Variants in PTBP3 observed in about 807,000 individuals in gnomAD.
PTBP3 encodes the protein polypyrimidine tract binding protein 3, also known as polypyrimidine tract-binding protein 3.
PTBP3 carries 20 observed loss-of-function variants against 58.7 expected under a neutral mutation model. The observed-to-expected ratio is 0.34, with a 90% CI of 0.24 to 0.50. PTBP3 has a LOEUF of 0.50. Among genes scored for constraint, PTBP3 ranks in the 20% least tolerant of loss-of-function variants. PTBP3 has a pLI of 0.98. For synonymous variants in PTBP3, 185 were observed against 219.8 expected, an observed-to-expected ratio of 0.84 and a Z score of 1.40; for missense variants, 509 against 637.2, an observed-to-expected ratio of 0.80 and a Z score of 2.17.
intron 11 of PTBP3, among the ~76,000 whole-genome samples, chr9:112,228,021 C>A (rs553897844): frequency 1.5e-4 from 23 of 152,094 alleles, no homozygotes; most frequent in Non-Finnish European, 2.2e-4. Flanking sequence ...ATCATCATTA[C>A]AAAGTTTGCC....
chr9:112,326,114 T>C (rs1268683024), intron 1 of PTBP3, among the ~76,000 whole-genome samples: 2 of 152,228 alleles, frequency 1.3e-5, no homozygotes, highest in Non-Finnish European at 2.9e-5. Context: ...CTTTCTAGAC[T>C]GCGTGTTCTA....
At chr9:112,245,339 AGTATGTGTTTGCAATTCC>A (rs547474591) in intron 7 of PTBP3, among the ~76,000 whole-genome samples, 324 of 152,310 alleles carry the variant, frequency 2.1e-3, no homozygotes, top group African/African-American at 7.3e-3. Flanking sequence ...TAAAGTTAGT[AGTATGTGTTTGCAATTCC>A]GAAACCACTT....
At chr9:112,359,840 CA>C in the PTBP3 span, among the ~76,000 whole-genome samples, 6 of 149,592 alleles carry the variant, frequency 4.0e-5, no homozygotes, top group Non-Finnish European at 5.9e-5. Flanking sequence ...AACAAAACAC[CA>C]AAAAAAAAAC....
intron 12 of PTBP3, among the ~76,000 whole-genome samples, chr9:112,226,923 TTA>T (rs1835012395): frequency 6.6e-6 from 1 of 152,180 alleles, no homozygotes; most frequent in Non-Finnish European, 1.5e-5. Context: ...ACAACACTGG[TTA>T]ATAAAGAGAC....
chr9:112,359,500 G>C, the PTBP3 span, among the ~76,000 whole-genome samples: 3 of 150,536 alleles, frequency 2.0e-5, no homozygotes, highest in African/African-American at 4.9e-5. Flanking sequence ...TAATATACTA[G>C]GTAAGCCAAA....
intron 1 of PTBP3, among the ~76,000 whole-genome samples, chr9:112,320,279 TAAAAAA>T (rs35381625): frequency 4.6e-5 from 2 of 43,752 alleles, no homozygotes; most frequent in African/African-American, 2.7e-4. Flanking sequence ...CCCTTTCTCT[TAAAAAA>T]AAAAAAATAT....
At chr9:112,227,671 G>A (rs1347368832) in intron 11 of PTBP3, 44 bp from the exon 12 acceptor site, 1 of 1,376,630 alleles carries the variant, frequency 7.3e-7, no homozygotes, top group Non-Finnish European at 1.0e-6. Context: ...TATTAGGATA[G>A]ATTTCTCAGT....
chr9:112,309,680 C>T (rs967494479), intron 1 of PTBP3, among the ~76,000 whole-genome samples: 7 of 151,554 alleles, frequency 4.6e-5, no homozygotes, highest in African/African-American at 1.5e-4. Context: ...CCCAGCTACT[C>T]GAGTAGCTGA....
At chr9:112,266,465 A>T (rs1564418040) in intron 4 of PTBP3, among the ~76,000 whole-genome samples, 2 of 152,240 alleles carry the variant, frequency 1.3e-5, no homozygotes, top group East Asian at 1.9e-4. Context: ...TAAAATATGT[A>T]CATGCTGTGT....
chr9:112,376,257 T>TTA, the PTBP3 span, among the ~76,000 whole-genome samples: 1 of 134,732 alleles, frequency 7.4e-6, no homozygotes, highest in African/African-American at 2.9e-5. Context: ...ATTAAGTTTT[T>TTA]TTTTTTTTTT....
At position 112,237,998 on chromosome 9, in the gene PTBP3, T is replaced by C. The variant is rs534793246; in HGVS notation, c.803-3101A>G. 1.3e-3 allele frequency among the ~76,000 whole-genome samples: 204 copies of C among 152,300 alleles called. 1 individual carries two copies. Among genetic ancestry groups the C allele is most frequent in the Non-Finnish European group, 2.0e-3 (136 of 68,028 alleles). On this transcript the variant is annotated intron_variant, in intron 7 of 13. Transcript: ENST00000374257. The stretch of plus-strand genomic sequence containing the variant: ...ATGATCCTGAACGTAGAGCCTTTAA[T>C]GCTGCAGGCAAGCAAATTCTCTCTG...
At chr9:112,344,145 G>A in the PTBP3 span, among the ~76,000 whole-genome samples, 1 of 151,716 alleles carries the variant, frequency 6.6e-6, no homozygotes. Flanking sequence ...TATGTTTTGG[G>A]CCTTTTGTTT....
At chr9:112,375,334 C>T in the PTBP3 span, among the ~76,000 whole-genome samples, 1 of 152,242 alleles carries the variant, frequency 6.6e-6, no homozygotes, top group Non-Finnish European at 1.5e-5. Context: ...TATAATCATA[C>T]ATCTGGCCAT....
chr9:112,350,877 C>T, the PTBP3 span, among the ~76,000 whole-genome samples: 4 of 152,196 alleles, frequency 2.6e-5, no homozygotes, highest in African/African-American at 9.7e-5. Context: ...CAGCTCACTG[C>T]AACCTCCGCC....
At chr9:112,337,328 C>T (rs760476105), upstream of PTBP3, among the ~76,000 whole-genome samples, 4 of 152,164 alleles carry the variant, frequency 2.6e-5, no homozygotes, top group Non-Finnish European at 5.9e-5. Context: ...CCGTGCCTGG[C>T]CAATTCAAAG....
intron 7 of PTBP3, among the ~76,000 whole-genome samples, chr9:112,244,289 C>CAAAGAAAAAAAAAAAA (rs1835783904): frequency 2.8e-5 from 1 of 36,318 alleles, no homozygotes; most frequent in African/African-American, 1.1e-4. Flanking sequence ...GACTCTGTCT[C>CAAAGAAAAAAAAAAAA]AAAAAAAAAA....
At chr9:112,226,413 A>T (rs1366058929) in intron 12 of PTBP3, among the ~76,000 whole-genome samples, 1 of 152,080 alleles carries the variant, frequency 6.6e-6, no homozygotes, top group Admixed American at 6.6e-5. Flanking sequence ...AAGTTTTTAA[A>T]TTTTTACACA....
chr9:112,287,516 T>C (rs879328964), intron 2 of PTBP3, among the ~76,000 whole-genome samples: 3 of 151,804 alleles, frequency 2.0e-5, no homozygotes, highest in Non-Finnish European at 4.4e-5. Context: ...AATTTTTGTA[T>C]TTTTAGTAGA....
At position 112,256,923 on chromosome 9, in the gene PTBP3, TAATA is replaced by T. The variant is rs1836392611; in HGVS notation, c.517-4139_517-4136del. On this transcript the variant is annotated intron_variant, in intron 5 of 13. Coordinates refer to ENST00000374257, the MANE Select transcript of PTBP3 (RefSeq NM_001163788.4). The stretch of plus-strand genomic sequence containing the variant: ...AAGGGAAGTCAGCAATTTCAAAAAA[TAATA>T]AATATTCTTGATGTAAAATATATCA... Among the ~76,000 whole-genome samples, 4 of 152,082 alleles carry T rather than the reference TAATA, an allele frequency of 2.6e-5. No homozygotes were observed. In the South Asian group the frequency reaches 8.3e-4, roughly 32 times the overall value.
Sources: gnomAD v4.1 joint callset for allele counts (sites outside exome capture counted in the v4.1 genomes callset) on GRCh38, gnomAD v4.1.1 for gene constraint, MANE v1.5 for transcripts, NCBI Gene and HGNC (gene_info 2026-07-23, HGNC 2026-07-21) for gene names.